The following PSD3 variants were observed in gnomAD, a reference collection of about 807,000 sequenced individuals.
PSD3 encodes the protein pleckstrin and Sec7 domain containing 3, also known as PH and SEC7 domain-containing protein 3.
PSD3 carries 49 observed loss-of-function variants against 105.5 expected under a neutral mutation model. That is an observed-to-expected ratio of 0.46 (90% confidence interval 0.37 to 0.59). PSD3 has a LOEUF of 0.59. Ranked by LOEUF, PSD3 falls within the 20% of genes least tolerant of loss-of-function variation. PSD3 has a pLI of 0.00. For missense variants in PSD3, 1,561 were observed against 1,263.8 expected (o/e 1.24, Z -3.57); for synonymous variants, 557 against 457.8 (o/e 1.22, Z -2.77).
At chr8:18,778,918 T>C (rs1240546231) in intron 8 of PSD3, among the ~76,000 whole-genome samples, 1 of 152,118 alleles carries the variant, frequency 6.6e-6, no homozygotes, top group Non-Finnish European at 1.5e-5. Context: ...TATAGTGTTT[T>C]CTTATTGTAT....
chr8:18,548,488 G>A (rs76662394), intron 15 of PSD3, among the ~76,000 whole-genome samples: 3,680 of 152,256 alleles, frequency 0.024, 67 homozygotes, highest in East Asian at 0.085. Flanking sequence ...CCAAGCTAGG[G>A]ATTTTGAGGC....
intron 1 of PSD3, among the ~76,000 whole-genome samples, chr8:19,052,919 G>C (rs569810104): frequency 7.9e-5 from 12 of 152,226 alleles, no homozygotes; most frequent in Admixed American, 4.6e-4. Flanking sequence ...TACTTGTAGA[G>C]GGCCTGCTTG....
chr8:18,952,443 G>A (rs1307027379), intron 1 of PSD3, among the ~76,000 whole-genome samples: 1 of 152,162 alleles, frequency 6.6e-6, no homozygotes, highest in Admixed American at 6.5e-5. Context: ...GTGAAAGTCA[G>A]AGATCACCTA....
intron 1 of PSD3, among the ~76,000 whole-genome samples, chr8:19,030,119 T>C (rs1827710195): frequency 6.6e-6 from 1 of 152,186 alleles, no homozygotes; most frequent in Non-Finnish European, 1.5e-5. Context: ...GGTACATGCC[T>C]TTTGTCGAGT....
intron 9 of PSD3, among the ~76,000 whole-genome samples, chr8:18,664,633 G>A (rs976998455): frequency 3.3e-5 from 5 of 152,220 alleles, no homozygotes; most frequent in Non-Finnish European, 7.3e-5. Context: ...CACTGATGAA[G>A]GTGGCTATAC....
In PSD3 at chr8:18,761,953, G is replaced by T. The variant is rs113685655; in HGVS notation, c.2172+3496C>A. On this transcript the variant is annotated intron_variant, in intron 9 of 15. Transcript: ENST00000327040. The stretch of plus-strand genomic sequence containing the variant: ...TTATATGAATGACTGTCTTGATTTG[G>T]TCATGTAGTTGAGAGGGGTAAATAT... Among the ~76,000 whole-genome samples, 845 of 152,290 alleles carry T rather than the reference G, an allele frequency of 5.5e-3. 6 individuals carry two copies. The highest frequency in any genetic ancestry group is 8.5e-3 in the Non-Finnish European group (575 of 68,024).
chr8:18,628,157 A>G (rs989888096), intron 11 of PSD3, among the ~76,000 whole-genome samples: 2 of 152,010 alleles, frequency 1.3e-5, no homozygotes, highest in African/African-American at 4.8e-5. Flanking sequence ...CATATAGCAA[A>G]CAAGTCCCAT....
intron 12 of PSD3, among the ~76,000 whole-genome samples, chr8:18,575,612 A>T (rs1802419389): frequency 6.6e-6 from 1 of 152,180 alleles, no homozygotes; most frequent in South Asian, 2.1e-4. Flanking sequence ...TTTTATAATG[A>T]ACAGAAATGA....
At chr8:19,012,534 C>T (rs1449475010) in intron 1 of PSD3, among the ~76,000 whole-genome samples, 1 of 152,164 alleles carries the variant, frequency 6.6e-6, no homozygotes, top group Admixed American at 6.5e-5. Context: ...AGCATAACTG[C>T]CAGCTCCTCT....
rs183313320 is a variant in PSD3, at chr8:18,667,408, T to C, written c.2173-11723A>G. Among the ~76,000 whole-genome samples the C allele has an allele frequency of 3.5e-3, 534 of 152,162 alleles. 3 individuals are homozygous for C. The highest frequency in any genetic ancestry group is 0.011 in the African/African-American group (476 of 41,538). The stretch of plus-strand genomic sequence containing the variant: ...GTGCATTTACAAACCTTGAGCTAGA[T>C]ACAGAGTGCCGATTGGTGTATTCCC... On this transcript the variant is annotated intron_variant, in intron 9 of 15. Coordinates refer to ENST00000327040, the MANE Select transcript of PSD3 (RefSeq NM_015310.4).
chr8:18,819,842 G>A (rs1812543752), intron 4 of PSD3, among the ~76,000 whole-genome samples: 1 of 152,168 alleles, frequency 6.6e-6, no homozygotes, highest in Non-Finnish European at 1.5e-5. Context: ...CTCCCAAAGT[G>A]CTGGGTTTAC....
intron 14 of PSD3, among the ~76,000 whole-genome samples, chr8:18,563,236 G>A (rs1000322118): frequency 2.0e-5 from 3 of 152,186 alleles, no homozygotes; most frequent in African/African-American, 7.2e-5. Context: ...TAAGCTCTCA[G>A]AAGTTGAGGG....
intron 1 of PSD3, among the ~76,000 whole-genome samples, chr8:19,063,940 G>A (rs1053757288): frequency 2.6e-5 from 4 of 152,012 alleles, no homozygotes; most frequent in African/African-American, 7.3e-5. Flanking sequence ...TCAGGAGTTC[G>A]AGACCAGCCT....
At chr8:18,775,573 G>T (rs1375270218) in intron 8 of PSD3, among the ~76,000 whole-genome samples, 2 of 152,030 alleles carry the variant, frequency 1.3e-5, no homozygotes, top group East Asian at 3.9e-4. Flanking sequence ...GTTTTGATTT[G>T]CATTTCCCTG....
rs34752713 is a variant in PSD3, at chr8:19,001,103, C to CTTT, written c.21+12457_21+12459dup. ...CACATGTATTATCTTTTTAAAATGA[C>CTTT]TTTTTTTTTTAGATAAGATCTTGCT... On this transcript the variant is annotated intron_variant, in intron 1 of 15. Transcript: ENST00000327040. 3.4e-3 allele frequency among the ~76,000 whole-genome samples: 510 copies of CTTT among 148,932 alleles called. 8 individuals are homozygous for CTTT. Among genetic ancestry groups the CTTT allele is most frequent in the African/African-American group, 0.011 (444 of 40,400 alleles).
At position 18,535,614 on chromosome 8, in the gene PSD3, T is replaced by C; in HGVS notation, c.*129A>G. 2.6e-6 allele frequency: 2 copies of C among 760,646 alleles called. No individual in the cohort carries two copies. Among genetic ancestry groups the C allele is most frequent in the Admixed American group, 2.7e-5 (1 of 36,764 alleles). The allele number at this position is 760,646 out of a possible 1,614,324, so 47.1% of individuals were successfully genotyped here. A position where few individuals can be genotyped will look rare whatever the true frequency, so the allele number is the denominator to read the frequency against. On this transcript the variant is annotated 3_prime_UTR_variant, in exon 16 of 16. Coordinates refer to ENST00000327040, the MANE Select transcript of PSD3 (RefSeq NM_015310.4). ...TACAGAAACTAACAAAAATATACAA[T>C]AGAAAAAATTACTAATGCACCGTTT...
chr8:18,768,213 G>T (rs966883045), intron 8 of PSD3, among the ~76,000 whole-genome samples: 3 of 151,774 alleles, frequency 2.0e-5, no homozygotes, highest in African/African-American at 7.3e-5. Context: ...TTGAACCCGG[G>T]AGGTGGAGGT....
chr8:18,598,793 C>T (rs1160428166), intron 12 of PSD3, among the ~76,000 whole-genome samples: 1 of 152,014 alleles, frequency 6.6e-6, no homozygotes, highest in Non-Finnish European at 1.5e-5. Context: ...TTTACAACAG[C>T]ATCAAAAACT....
intron 13 of PSD3, among the ~76,000 whole-genome samples, chr8:18,573,662 T>G (rs995657976): frequency 1.2e-4 from 19 of 152,154 alleles, no homozygotes; most frequent in African/African-American, 4.6e-4. Flanking sequence ...CTTCCAAAGC[T>G]TTATGTTAAA....
Sources: allele counts gnomAD v4.1 joint callset (sites outside exome capture counted in the v4.1 genomes callset), GRCh38; gene constraint gnomAD v4.1.1; transcripts MANE v1.5; gene names NCBI Gene and HGNC (gene_info 2026-07-23, HGNC 2026-07-21).